The following DPP6 variants were observed in gnomAD, a reference collection of about 807,000 sequenced individuals.
DPP6 encodes dipeptidyl peptidase like 6.
DPP6 carries 69 observed loss-of-function variants against 122.6 expected under a neutral mutation model. The observed-to-expected ratio is 0.56, with a 90% confidence interval of 0.46 to 0.69. DPP6 has a LOEUF of 0.69. Ranked by LOEUF, DPP6 falls within the 30% of genes least tolerant of loss-of-function variation. DPP6 has a pLI of 0.00. For missense variants in DPP6, 928 were observed against 1,116.9 expected (o/e 0.83, Z 2.41); for synonymous variants, 418 against 433.1 (o/e 0.97, Z 0.43).
At chr7:154,034,289 A>G (rs139967045) in intron 1 of DPP6, among the ~76,000 whole-genome samples, 4,240 of 152,282 alleles carry the variant, frequency 0.028, 189 homozygotes, top group African/African-American at 0.098. Context: ...AAGAAGCTCA[A>G]ATGTTCAGTT....
At chr7:154,035,218 TG>T (rs1366293557) in intron 1 of DPP6, among the ~76,000 whole-genome samples, 7 of 152,252 alleles carry the variant, frequency 4.6e-5, no homozygotes, top group Non-Finnish European at 8.8e-5. Flanking sequence ...TATCCTTACA[TG>T]CCATCTCTTC....
intron 1 of DPP6, among the ~76,000 whole-genome samples, chr7:154,234,227 C>A (rs931277089): frequency 6.6e-6 from 1 of 152,152 alleles, no homozygotes; most frequent in African/African-American, 2.4e-5. Context: ...CTTCCTCATT[C>A]AGGTAGCTTT....
chr7:154,052,206 A>C (rs7797494), upstream of DPP6, among the ~76,000 whole-genome samples: 95,450 of 149,518 alleles, frequency 0.64, 31,397 homozygotes, highest in African/African-American at 0.79. The surrounding 1 kb of genome is among the most constrained non-coding windows in gnomAD (Gnocchi z 4.8). Flanking sequence ...GCGTGGTCCC[A>C]GCCCCTCCAC....
At chr7:154,638,834 A>G (rs1023875602) in intron 6 of DPP6, among the ~76,000 whole-genome samples, 1 of 151,946 alleles carries the variant, frequency 6.6e-6, no homozygotes, top group African/African-American at 2.4e-5. Flanking sequence ...TCCCTCCCCT[A>G]TTCTCATTCC....
chr7:153,910,234 C>CTTTTTTTTTTTTTTTT (rs111816561), intron 1 of DPP6, among the ~76,000 whole-genome samples: 4 of 137,750 alleles, frequency 2.9e-5, no homozygotes, highest in Non-Finnish European at 3.1e-5. Context: ...TTCTTTCTTT[C>CTTTTTTTTTTTTTTTT]TTTTTTTTTT....
intron 2 of DPP6, among the ~76,000 whole-genome samples, chr7:154,471,143 C>T (rs866716662): frequency 1.3e-5 from 2 of 151,952 alleles, no homozygotes; most frequent in African/African-American, 2.4e-5. Flanking sequence ...CCCAGCTACT[C>T]GGGAGGCTGA....
chr7:154,072,752 G>T (rs1205504789), intron 1 of DPP6, among the ~76,000 whole-genome samples: 5 of 152,262 alleles, frequency 3.3e-5, no homozygotes, highest in Admixed American at 2.6e-4. Context: ...TGGGGGACTT[G>T]TCCCAGCACC....
intron 1 of DPP6, among the ~76,000 whole-genome samples, chr7:154,060,361 A>C (rs981767197): frequency 9.3e-6 from 1 of 108,004 alleles, no homozygotes; most frequent in African/African-American, 3.9e-5. Context: ...GCAGGGACTG[A>C]GAGCCAGCCC....
chr7:154,648,763 C>A (rs1836670054), intron 6 of DPP6, among the ~76,000 whole-genome samples: 1 of 151,850 alleles, frequency 6.6e-6, no homozygotes, highest in African/African-American at 2.4e-5. Flanking sequence ...ACTAAAAATA[C>A]AAAAATTAGC....
intron 2 of DPP6, among the ~76,000 whole-genome samples, chr7:154,467,820 TTCATC>T (rs1341459849): frequency 6.6e-6 from 1 of 152,210 alleles, no homozygotes; most frequent in Non-Finnish European, 1.5e-5. Flanking sequence ...TCTAGATACT[TTCATC>T]TCTATGTTTG....
At chr7:154,873,139 A>G (rs1176209310) in intron 19 of DPP6, among the ~76,000 whole-genome samples, 2 of 152,244 alleles carry the variant, frequency 1.3e-5, no homozygotes, top group African/African-American at 4.8e-5. Flanking sequence ...GAATTTTTTC[A>G]GCTCTTTCTT....
chr7:154,606,239 A>C lies in DPP6; in HGVS notation c.628-31582A>C, dbSNP rs1159277895. On this transcript the variant is annotated intron_variant, in intron 5 of 25. Transcript: ENST00000377770. ...TATCAGTTTTTGAGAGCAATGTATTAAACATCTTATAATTCTATACACTTT... is the reference window on the plus strand; with the variant it reads ...TATCAGTTTTTGAGAGCAATGTATTCAACATCTTATAATTCTATACACTTT... Among the ~76,000 whole-genome samples the C allele has an allele frequency of 2.5e-5, 3 of 120,842 alleles. 1 individual carries two copies. Among genetic ancestry groups the C allele is most frequent in the African/African-American group, 7.9e-5 (3 of 38,144 alleles). 79.3% of individuals were successfully genotyped at this position (120,842 alleles called of 152,430 possible). A position where few individuals can be genotyped will look rare whatever the true frequency, so the allele number is the denominator to read the frequency against.
At chr7:154,126,957 G>A (rs1220023819) in intron 1 of DPP6, among the ~76,000 whole-genome samples, 1 of 152,070 alleles carries the variant, frequency 6.6e-6, no homozygotes, top group Non-Finnish European at 1.5e-5. Flanking sequence ...TTTTTTCAAA[G>A]TCTGTTTTGC....
At chr7:154,249,644 G>T (rs1802221603) in intron 1 of DPP6, among the ~76,000 whole-genome samples, 1 of 152,144 alleles carries the variant, frequency 6.6e-6, no homozygotes, top group Non-Finnish European at 1.5e-5. Context: ...GTGATTCCAG[G>T]TAAAAGTATG....
intron 1 of DPP6, among the ~76,000 whole-genome samples, chr7:153,929,003 G>A (rs1023884251): frequency 2.0e-5 from 3 of 151,996 alleles, no homozygotes; most frequent in African/African-American, 7.2e-5. Context: ...GAGCGCGGAG[G>A]GCCAGACCCT....
chr7:153,829,263 G>C, the DPP6 span, among the ~76,000 whole-genome samples: 1 of 152,048 alleles, frequency 6.6e-6, no homozygotes, highest in Admixed American at 6.6e-5. Context: ...CCTTAGGCTG[G>C]AGTGCAGTGG....
the DPP6 span, among the ~76,000 whole-genome samples, chr7:153,781,948 T>C: frequency 7.2e-6 from 1 of 139,688 alleles, no homozygotes; most frequent in Non-Finnish European, 1.6e-5. Context: ...CATAATCTGA[T>C]AAAAGTTTTG....
At chr7:154,097,669 G>A (rs1169435041) in intron 1 of DPP6, among the ~76,000 whole-genome samples, 2 of 152,260 alleles carry the variant, frequency 1.3e-5, no homozygotes, top group Admixed American at 1.3e-4. Flanking sequence ...GGTCTGGGTA[G>A]CAGGGATCTG....
At chr7:153,844,981 G>A in the DPP6 span, among the ~76,000 whole-genome samples, 15 of 152,236 alleles carry the variant, frequency 9.9e-5, no homozygotes, top group Admixed American at 6.5e-4. Flanking sequence ...AATACAAGGA[G>A]GTATTTAGCT....
Sources: allele counts gnomAD v4.1 joint callset (sites outside exome capture counted in the v4.1 genomes callset), GRCh38; gene constraint gnomAD v4.1.1; non-coding constraint Gnocchi (gnomAD v3.1); transcripts MANE v1.5; gene names NCBI Gene and HGNC (gene_info 2026-07-23, HGNC 2026-07-21).